MYL3: variants seen among roughly 807,000 people sequenced by gnomAD.
MYL3 encodes myosin light chain 3, also known as CMLC1.
A neutral mutation model predicts 21.3 loss-of-function variants in MYL3; 11 were observed. The ratio of observed to expected loss-of-function variants is 0.52; its 90% CI spans 0.32 to 0.85. The LOEUF is 0.85. MYL3 is among the 40% of genes least tolerant of loss of function. MYL3 has a pLI of 0.03. For synonymous variants in MYL3, 88 were observed against 91.6 expected (o/e 0.96, Z 0.22); for missense variants, 206 against 253.3 (o/e 0.81, Z 1.27).
In MYL3 at chr3:46,874,582, G is replaced by A. The variant is rs1259571139; in HGVS notation, c.-218+7492C>T. On this transcript the variant is annotated intron_variant, in intron 1 of 3. Coordinates refer to the MYL3 transcript ENST00000431168. This position sits in a 1 kb window ranked among gnomAD's most constrained non-coding sequence, Gnocchi z 4.1. ...AGCCGGCCTCTGGAACGCGTGCCCGGGACCTCGGTGATATTTTGAGTTTAA... is the reference window on the plus strand; with the variant it reads ...AGCCGGCCTCTGGAACGCGTGCCCGAGACCTCGGTGATATTTTGAGTTTAA... Among the ~76,000 whole-genome samples the A allele has an allele frequency of 6.6e-6, 1 of 152,196 alleles. No homozygotes were observed. The highest frequency in any genetic ancestry group is 1.9e-4 in the East Asian group (1 of 5,196).
intron 1 of MYL3, among the ~76,000 whole-genome samples, chr3:46,870,405 G>C (rs973444530): frequency 6.6e-6 from 1 of 151,816 alleles, no homozygotes; most frequent in Non-Finnish European, 1.5e-5. Context: ...GGCCACAGTG[G>C]TGGTGACAGT....
chr3:46,870,576 G>A (rs1237847681), intron 1 of MYL3, among the ~76,000 whole-genome samples: 3 of 151,998 alleles, frequency 2.0e-5, no homozygotes, highest in Non-Finnish European at 4.4e-5. Context: ...GGCCCAGGGT[G>A]TGGATGCTGC....
At position 46,863,334 on chromosome 3, in the gene MYL3, T is replaced by G; in HGVS notation, c.57A>C (p.Ala19=). 6.2e-7 allele frequency: 1 copy of G among 1,613,966 alleles called. No homozygotes were observed. ...CAGGGGGAGGTGCGGGAGCTGGAGC[T>G]GCCTTGGGGGCTGCCTTGGCATCAT... The part of the protein sequence containing the change: ...KKDDAKAAPK[A]APAPAPPPEP... Residue 19 remains alanine, a synonymous_variant, in exon 1 of 7, where the codon GCA becomes GCC. Coordinates refer to ENST00000292327, the MANE Select transcript of MYL3 (RefSeq NM_000258.3).
Position 46,879,042 on chromosome 3 carries a change from T to C in MYL3, c.-218+3032A>G, listed in dbSNP as rs2030396848. On this transcript the variant is annotated intron_variant, in intron 1 of 3. Coordinates refer to the MYL3 transcript ENST00000431168. The surrounding 1 kb of genome is among the most constrained non-coding windows in gnomAD (Gnocchi z 4.7). ...CTGCCAGGTGCTTGGGTGCTACCAG[T>C]TAATGTGTGACACCCCCACCCTCAT... Among the ~76,000 whole-genome samples, 1 of 152,110 alleles carries C rather than the reference T, an allele frequency of 6.6e-6. No individual in the cohort carries two copies. Among genetic ancestry groups the C allele is most frequent in the Admixed American group, 6.5e-5 (1 of 15,278 alleles).
chr3:46,866,926 G>T (rs1342057907), upstream of MYL3, among the ~76,000 whole-genome samples: 1 of 152,176 alleles, frequency 6.6e-6, no homozygotes, highest in Non-Finnish European at 1.5e-5. Flanking sequence ...TCAGCCAGCA[G>T]GGGGCGCAGA....
rs1192373874 is a variant in MYL3, at chr3:46,874,846, C to A, written c.-218+7228G>T. On this transcript the variant is annotated intron_variant, in intron 1 of 3. Transcript: ENST00000431168. The surrounding 1 kb of genome is among the most constrained non-coding windows in gnomAD (Gnocchi z 4.1). The stretch of plus-strand genomic sequence containing the variant: ...GGAAACAGGACCCGCTTTGGACCCC[C>A]AACCAGTGTCCCCAGTGGCTGGCCA... 6.6e-6 allele frequency among the ~76,000 whole-genome samples: 1 copy of A among 152,184 alleles called. No individual in the cohort carries two copies. Among genetic ancestry groups the A allele is most frequent in the African/African-American group, 2.4e-5 (1 of 41,442 alleles).
intron 1 of MYL3, among the ~76,000 whole-genome samples, chr3:46,862,458 G>A (rs1363185874): frequency 6.6e-6 from 1 of 152,176 alleles, no homozygotes; most frequent in Non-Finnish European, 1.5e-5. Flanking sequence ...CTTCACCGAT[G>A]GAATGTAGGT....
chr3:46,862,224 T>C (rs1300678364), intron 1 of MYL3, among the ~76,000 whole-genome samples: 1 of 152,212 alleles, frequency 6.6e-6, no homozygotes, highest in Non-Finnish European at 1.5e-5. Flanking sequence ...GCCTGCAGAA[T>C]GCAAGCCTGG....
At chr3:46,864,648 C>G (rs73833656), upstream of MYL3, among the ~76,000 whole-genome samples, 1,606 of 152,280 alleles carry the variant, frequency 0.011, 28 homozygotes, top group African/African-American at 0.037. This position sits in a 1 kb window ranked among gnomAD's most constrained non-coding sequence, Gnocchi z 4.7. Context: ...GGCAGGGGCT[C>G]TGAGAGGGTC....
rs1319872311 is a variant in MYL3, at chr3:46,858,211, A to G, written c.*13+20T>C. On this transcript the variant is annotated intron_variant, in intron 6 of 6. Coordinates refer to ENST00000292327, the MANE Select transcript of MYL3 (RefSeq NM_000258.3). ...GTGGGCAGGTGGCAGCAGCGGGTTC[A>G]GGAGGGAGTGGGTGCCTACCTGGGC... 8 of 1,613,822 alleles carry G rather than the reference A, an allele frequency of 5.0e-6. No individual in the cohort carries two copies. The highest frequency in any genetic ancestry group is 6.8e-6 in the Non-Finnish European group (8 of 1,179,868).
Position 46,879,275 on chromosome 3 carries a change from C to G in MYL3, c.-218+2799G>C, listed in dbSNP as rs567045504. 6.6e-6 allele frequency among the ~76,000 whole-genome samples: 1 copy of G among 152,340 alleles called. No individual in the cohort carries two copies. The highest frequency in any genetic ancestry group is 2.4e-5 in the African/African-American group (1 of 41,586). ...CCTCCCAAGTACAAGTAGTATGTTT[C>G]CAAATCTCAAGTTTTCCCTGGTGTC... On this transcript the variant is annotated intron_variant, in intron 1 of 3. Coordinates refer to the MYL3 transcript ENST00000431168. The surrounding 1 kb of genome is among the most constrained non-coding windows in gnomAD (Gnocchi z 4.7).
Position 46,870,808 on chromosome 3 carries a change from T to C in MYL3, c.-217-4208A>G, listed in dbSNP as rs576006019. 3.3e-5 allele frequency among the ~76,000 whole-genome samples: 5 copies of C among 152,218 alleles called. No homozygotes were observed. The East Asian group carries it at 9.7e-4, about 29-fold the overall frequency. ...CCTACTCCACCTTTGCCTAGTCCCTTTCCACCAGTACTGGGACAGCAGGAA... is the reference window on the plus strand; with the variant it reads ...CCTACTCCACCTTTGCCTAGTCCCTCTCCACCAGTACTGGGACAGCAGGAA... On this transcript the variant is annotated intron_variant, in intron 1 of 3. Transcript: ENST00000431168.
upstream of MYL3, chr3:46,863,632 C>T (rs761198056): frequency 1.7e-5 from 9 of 528,538 alleles, no homozygotes; most frequent in Middle Eastern, 5.1e-4. Flanking sequence ...CCATTCCTCC[C>T]AATCACCTGT....
upstream of MYL3, among the ~76,000 whole-genome samples, chr3:46,867,392 G>A (rs1199006959): frequency 6.6e-6 from 1 of 152,174 alleles, no homozygotes; most frequent in East Asian, 1.9e-4. Flanking sequence ...AAGGGGCACC[G>A]GGGGGTCACA....
At chr3:46,869,971 G>C (rs1702092993) in intron 1 of MYL3, among the ~76,000 whole-genome samples, 1 of 152,050 alleles carries the variant, frequency 6.6e-6, no homozygotes, top group Admixed American at 6.5e-5. Flanking sequence ...ACTGGAGACA[G>C]GGACCCTTGG....
rs59608805 is a variant in MYL3 at position 46,860,353 on chromosome 3, T to C, written c.307+323A>G. Reference sequence around the variant, plus strand: ...ATGTTACCCAGGCTGGTCTCACTCCTGGCCTCAAGTGATCCTCCCAAAGCA... The same window carrying C: ...ATGTTACCCAGGCTGGTCTCACTCCCGGCCTCAAGTGATCCTCCCAAAGCA... On this transcript the variant is annotated intron_variant, in intron 3 of 6. Coordinates refer to ENST00000292327, the MANE Select transcript of MYL3 (RefSeq NM_000258.3). This position sits in a 1 kb window ranked among gnomAD's most constrained non-coding sequence, Gnocchi z 4.6. Among the ~76,000 whole-genome samples the C allele has an allele frequency of 4.4e-3, 673 of 152,274 alleles. 7 individuals carry two copies. Among genetic ancestry groups the C allele is most frequent in the African/African-American group, 0.015 (631 of 41,558 alleles).
chr3:46,863,797 C>G (rs1702018419), upstream of MYL3, among the ~76,000 whole-genome samples: 1 of 152,164 alleles, frequency 6.6e-6, no homozygotes, highest in South Asian at 2.1e-4. Flanking sequence ...AAGGGTGGAC[C>G]AAGTACATGC....
chr3:46,871,706 C>A (rs959757686), intron 1 of MYL3, among the ~76,000 whole-genome samples: 6 of 152,212 alleles, frequency 3.9e-5, no homozygotes, highest in Non-Finnish European at 8.8e-5. Context: ...AATGCAGAGC[C>A]TAGAGCCTAC....
At chr3:46,876,423 C>T (rs2030216783) in intron 1 of MYL3, among the ~76,000 whole-genome samples, 2 of 152,228 alleles carry the variant, frequency 1.3e-5, no homozygotes, top group African/African-American at 4.8e-5. Context: ...CACAGAATAG[C>T]CTACGTGTCC....
Sources: gnomAD v4.1 joint callset for allele counts (sites outside exome capture counted in the v4.1 genomes callset) on GRCh38, gnomAD v4.1.1 for gene constraint, Gnocchi (gnomAD v3.1) non-coding constraint, MANE v1.5 for transcripts, NCBI Gene and HGNC (gene_info 2026-07-23, HGNC 2026-07-21) for gene names.